RBM26: variants seen among roughly 807,000 people sequenced by gnomAD.
RBM26 encodes the protein RNA binding motif protein 26.
Under a neutral mutation model 123.6 loss-of-function variants are expected in RBM26, and 30 were observed. The observed-to-expected ratio is 0.24, with a 90% CI of 0.18 to 0.33. RBM26 has a LOEUF of 0.33. RBM26 is among the 10% of genes least tolerant of loss of function. The probability of loss-of-function intolerance (pLI) is 1.00; values close to 1 mark genes in which losing one functional copy is unlikely to be tolerated. For missense variants in RBM26, 947 were observed against 1,203.6 expected, an observed-to-expected ratio of 0.79 and a Z score of 3.15; for synonymous variants, 400 against 404.4, an observed-to-expected ratio of 0.99 and a Z score of 0.13.
chr13:79,351,889 TAAGACACTGCA>T (rs1289911812), intron 14 of RBM26, among the ~76,000 whole-genome samples: 2 of 152,096 alleles, frequency 1.3e-5, no homozygotes, highest in African/African-American at 4.8e-5. Context: ...GGATGCCAGT[TAAGACACTGCA>T]CCCAGAGGCT....
intron 13 of RBM26, 137 bp downstream of exon 13, chr13:79,354,302 T>C: frequency 3.1e-6 from 2 of 651,758 alleles, no homozygotes; most frequent in Non-Finnish European, 4.5e-6. Flanking sequence ...AAAACAACCT[T>C]ATAGGTGGGG....
rs750428612 is a variant in RBM26 at position 79,378,889 on chromosome 13, G to A, written c.90C>T (p.Ser30=). ...AAGCCAGAACATATTTTGCTAGGGC[G>A]GATGGATCTGCATCACAGCTAAAGA... is the stretch of plus-strand genomic sequence containing the variant. ...TLEPICDADP[S]ALAKYVLALV... The change falls in exon 2 of 22, where the codon TCC becomes TCT. Residue 30 remains serine, a synonymous_variant. Coordinates refer to ENST00000438737, the MANE Select transcript of RBM26 (RefSeq NM_001366735.2). 21 of 1,610,106 alleles carry A rather than the reference G, an allele frequency of 1.3e-5. No homozygotes were observed. The highest frequency in any genetic ancestry group is 6.6e-5 in the South Asian group (6 of 90,666).
chr13:79,375,114 T>TATATATTTATATATATATCATATAA (rs1566518499), intron 3 of RBM26, among the ~76,000 whole-genome samples: 26 of 136,956 alleles, frequency 1.9e-4, no homozygotes, highest in African/African-American at 7.5e-4. Flanking sequence ...ATCATATAAA[T>TATATATTTATATATATATCATATAA]ATATATTTAT....
chr13:79,325,690 TA>T (rs2068284907), intron 20 of RBM26, among the ~76,000 whole-genome samples: 1 of 152,132 alleles, frequency 6.6e-6, no homozygotes, highest in African/African-American at 2.4e-5. Context: ...AATTTATTAT[TA>T]AAGAAAGATA....
rs2074272112 is a variant in RBM26 at position 79,358,337 on chromosome 13, T to C, written c.1626A>G (p.Glu542=). ...CATTAAGTTTGCTGATATTATTTAA[T>C]TCTGGAGGAACTTTTCTAAGTTCAA... ...TKLELRKVPP[E]LNNISKLNEH... Residue 542 remains glutamate, a synonymous_variant, in exon 11 of 22, where the codon GAA becomes GAG. Coordinates refer to ENST00000438737, the MANE Select transcript of RBM26 (RefSeq NM_001366735.2). 2 of 1,612,348 alleles carry C rather than the reference T, an allele frequency of 1.2e-6. No individual in the cohort carries two copies. Among genetic ancestry groups the C allele is most frequent in the African/African-American group, 1.3e-5 (1 of 74,998 alleles).
chr13:79,399,934 T>C (rs1251208870), intron 1 of RBM26, among the ~76,000 whole-genome samples: 1 of 152,084 alleles, frequency 6.6e-6, no homozygotes, highest in African/African-American at 2.4e-5. Context: ...TCCAAGCAGA[T>C]ATACAGCCAG....
At chr13:79,339,400 GAGAGT>G (rs1220409472) in intron 18 of RBM26, among the ~76,000 whole-genome samples, 3 of 152,092 alleles carry the variant, frequency 2.0e-5, no homozygotes, top group East Asian at 1.9e-4. Flanking sequence ...AAATTGCTGA[GAGAGT>G]AGAGTTTAAA....
intron 1 of RBM26, among the ~76,000 whole-genome samples, chr13:79,391,681 C>A (rs192497989): frequency 6.7e-4 from 102 of 152,246 alleles, no homozygotes; most frequent in Non-Finnish European, 1.3e-3. Context: ...ACCTCAGCCT[C>A]CCAAAGTGCT....
chr13:79,379,933 T>C (rs947162028), intron 1 of RBM26, among the ~76,000 whole-genome samples: 1 of 152,194 alleles, frequency 6.6e-6, no homozygotes, highest in Non-Finnish European at 1.5e-5. Context: ...TAAGTTACAC[T>C]GAAATATTTT....
intron 20 of RBM26, among the ~76,000 whole-genome samples, chr13:79,333,958 T>C (rs1594030880): frequency 6.6e-6 from 1 of 152,082 alleles, no homozygotes; most frequent in East Asian, 1.9e-4. Context: ...GGGCAGACAT[T>C]AGAACTGCTT....
intron 20 of RBM26, among the ~76,000 whole-genome samples, chr13:79,326,421 T>C (rs1448274331): frequency 6.6e-6 from 1 of 152,002 alleles, no homozygotes; most frequent in African/African-American, 2.4e-5. Context: ...GACGTAGTGG[T>C]CAAAAAGGTG....
At chr13:79,324,720 C>A (rs2068118341) in intron 20 of RBM26, among the ~76,000 whole-genome samples, 1 of 150,446 alleles carries the variant, frequency 6.6e-6, no homozygotes, top group Non-Finnish European at 1.5e-5. Context: ...TTTTAAATCC[C>A]TAGGATTTTA....
downstream of RBM26, chr13:79,318,791 C>G (rs952592357): frequency 1.2e-4 from 122 of 983,626 alleles, no homozygotes; most frequent in Admixed American, 3.7e-4. Context: ...ATTTAACTGG[C>G]CTTTGAAAGA....
At chr13:79,362,070 A>T (rs577968885) in intron 9 of RBM26, among the ~76,000 whole-genome samples, 1 of 152,272 alleles carries the variant, frequency 6.6e-6, no homozygotes, top group Admixed American at 6.5e-5. Flanking sequence ...AAATCTGTAT[A>T]TTCTAGTCAA....
At position 79,377,452 on chromosome 13, in the gene RBM26, G is replaced by A. The variant is rs1460866842; in HGVS notation, c.254C>T (p.Pro85Leu). ...AVNTKSYLPP[P>L]EQPSSGSLKV... ...CAGGCTTCCTGATGATGGCTGCTCT[G>A]GAGGAGGTAGGTAACTCTTTGTATT... The change falls in exon 3 of 22, where the codon CCA becomes CTA. Residue 85 changes from proline (P) to leucine (L), a missense_variant. Pro to Leu is a moderately conservative substitution (Grantham distance 98, BLOSUM62 -3). Around this residue, in one of 5 missense-constraint regions of RBM26, gnomAD observed 275 missense variants for 361.0 expected, o/e 0.76. Coordinates refer to ENST00000438737, the MANE Select transcript of RBM26 (RefSeq NM_001366735.2). 2 of 1,612,254 alleles carry A rather than the reference G, an allele frequency of 1.2e-6. No individual in the cohort carries two copies. Among genetic ancestry groups the A allele is most frequent in the African/African-American group, 1.3e-5 (1 of 74,878 alleles).
Position 79,405,805 on chromosome 13 carries a change from T to C in RBM26, c.-31A>G. 1 of 1,434,752 alleles carries C rather than the reference T, an allele frequency of 7.0e-7. No homozygotes were observed. Among genetic ancestry groups the C allele is most frequent in the Non-Finnish European group, 9.4e-7 (1 of 1,064,134 alleles). 88.9% of individuals were successfully genotyped at this position (1,434,752 alleles called of 1,614,324 possible). A position where few individuals can be genotyped will look rare whatever the true frequency, so the allele number is the denominator to read the frequency against. On this transcript the variant is annotated 5_prime_UTR_variant, in exon 1 of 22. Transcript: ENST00000438737. The stretch of plus-strand genomic sequence containing the variant: ...GCGGCCCTAAGGCCCGTCACACTCC[T>C]CCGCCCGCCCAGGTCGCGGCCGCTA...
chr13:79,322,519 T>TAAATGTCATAGTGC, intron 20 of RBM26, 57 bp from the exon 21 acceptor site: 1 of 1,151,172 alleles, frequency 8.7e-7, no homozygotes, highest in African/African-American at 1.6e-5. Flanking sequence ...AAGAAAAAAA[T>TAAATGTCATAGTGC]AAATGTCATA....
chr13:79,375,408 T>G (rs2076594836), intron 3 of RBM26, among the ~76,000 whole-genome samples: 1 of 151,792 alleles, frequency 6.6e-6, no homozygotes, highest in Non-Finnish European at 1.5e-5. Context: ...TGACCTAAGG[T>G]GATCCACCCG....
chr13:79,405,795 G>A lies in RBM26; in HGVS notation c.-21C>T, dbSNP rs777669726. On this transcript the variant is annotated 5_prime_UTR_variant, in exon 1 of 22. The change creates a new upstream start codon in the 5' untranslated region. Coordinates refer to ENST00000438737, the MANE Select transcript of RBM26 (RefSeq NM_001366735.2). ...ACCATCCACAGCGGCCCTAAGGCCC[G>A]TCACACTCCTCCGCCCGCCCAGGTC... The A allele has an allele frequency of 4.0e-6, 6 of 1,497,144 alleles. No homozygotes were observed. The highest frequency in any genetic ancestry group is 3.9e-5 in the Admixed American group (2 of 51,020). 92.7% of individuals were successfully genotyped at this position (1,497,144 alleles called of 1,614,324 possible). A position where few individuals can be genotyped will look rare whatever the true frequency, so the allele number is the denominator to read the frequency against.
Sources: allele counts gnomAD v4.1 joint callset (sites outside exome capture counted in the v4.1 genomes callset), GRCh38; gene constraint gnomAD v4.1.1; regional missense constraint gnomAD v4.1.1; transcripts MANE v1.5; gene names NCBI Gene and HGNC (gene_info 2026-07-23, HGNC 2026-07-21).